The following DPP4 variants were observed in gnomAD, a reference collection of about 807,000 sequenced individuals.
DPP4 encodes the protein ADCP-2.
A neutral mutation model predicts 122.4 loss-of-function variants in DPP4; 93 were observed. That is an observed-to-expected ratio of 0.76 (90% CI 0.64 to 0.90). The LOEUF is 0.90. Ranked by LOEUF, DPP4 falls within the 40% of genes least tolerant of loss-of-function variation. The probability of loss-of-function intolerance (pLI) is 0.00; values close to 1 mark genes in which losing one functional copy is unlikely to be tolerated. For missense variants in DPP4, 914 were observed against 907.3 expected, an observed-to-expected ratio of 1.01 and a Z score of -0.09; for synonymous variants, 321 against 302.9, an observed-to-expected ratio of 1.06 and a Z score of -0.62.
chr2:162,072,762 G>T (rs887296623), intron 2 of DPP4, among the ~76,000 whole-genome samples: 1 of 152,160 alleles, frequency 6.6e-6, no homozygotes, highest in Admixed American at 6.5e-5. Context: ...TTAAATAAAA[G>T]AATCCACCAA....
Position 162,047,510 on chromosome 2 carries a change from A to G in DPP4, c.95-9T>C. 1 of 1,543,564 alleles carries G rather than the reference A, an allele frequency of 6.5e-7. No individual in the cohort carries two copies. The highest frequency in any genetic ancestry group is 8.8e-7 in the Non-Finnish European group (1 of 1,132,426). ...AGCTGTAGCATCATCTGCTGGTTGAAAGAAAGAGCCAAATGTTCATTTCAG... is the reference window on the plus strand; with the variant it reads ...AGCTGTAGCATCATCTGCTGGTTGAGAGAAAGAGCCAAATGTTCATTTCAG... On this transcript the variant is annotated splice_polypyrimidine_tract_variant and intron_variant, in intron 2 of 25. Transcript: ENST00000360534.
At chr2:162,063,686 T>G (rs1684858627) in intron 2 of DPP4, among the ~76,000 whole-genome samples, 1 of 149,450 alleles carries the variant, frequency 6.7e-6, no homozygotes, top group African/African-American at 2.5e-5. Context: ...TTTAGTGGTG[T>G]GGTGGGGATA....
At position 162,047,137 on chromosome 2, in the gene DPP4, A is replaced by G. The variant is rs1684211279; in HGVS notation, c.194-131T>C. On this transcript the variant is annotated intron_variant, in intron 3 of 25. Transcript: ENST00000360534. ...TTTCTAAGTTGAGAAAACATGAATG[A>G]TATTATACTAACATTCATTCATTTT... 4 of 583,594 alleles carry G rather than the reference A, an allele frequency of 6.9e-6. No individual in the cohort carries two copies. The African/African-American group carries it at 7.5e-5, about 11-fold the overall frequency. 36.2% of individuals were successfully genotyped at this position (583,594 alleles called of 1,614,324 possible). A position where few individuals can be genotyped will look rare whatever the true frequency, so the allele number is the denominator to read the frequency against.
At chr2:162,071,008 T>C (rs1000038446) in intron 2 of DPP4, among the ~76,000 whole-genome samples, 1 of 152,144 alleles carries the variant, frequency 6.6e-6, no homozygotes. Context: ...TCTGAGTAGC[T>C]CTGGAGCCTC....
rs143806961 is a variant in DPP4, at chr2:162,046,916, A to G, written c.284T>C (p.Phe95Ser). 268 of 1,562,762 alleles carry G rather than the reference A, an allele frequency of 1.7e-4. No individual in the cohort carries two copies. Among genetic ancestry groups the G allele is most frequent in the Non-Finnish European group, 2.2e-4 (253 of 1,133,634 alleles). ...AATTAATTACGTGATTAAACATACA[A>G]ATGTACTGTTCTCCAAGAAAACTGA... ...NSSVFLENST[F>S]DEFGHSINDY... Residue 95 changes from phenylalanine to serine, a missense_variant and splice_region_variant, in exon 4 of 26, where the codon TTT (phenylalanine) becomes TCT (serine). Physicochemically the swap from Phe to Ser is radical, Grantham distance 155. Coordinates refer to ENST00000360534, the MANE Select transcript of DPP4 (RefSeq NM_001935.4).
chr2:162,048,360 A>G (rs1052457424), intron 2 of DPP4, among the ~76,000 whole-genome samples: 2 of 151,724 alleles, frequency 1.3e-5, no homozygotes, highest in Non-Finnish European at 2.9e-5. Flanking sequence ...GATTCTCCCA[A>G]TTCTCTCCCT....
At chr2:162,056,493 T>C (rs1559724623) in intron 2 of DPP4, among the ~76,000 whole-genome samples, 1 of 152,222 alleles carries the variant, frequency 6.6e-6, no homozygotes, top group Admixed American at 6.5e-5. Context: ...CACAGGAGCC[T>C]CTGAAACGGC....
At chr2:162,008,917 C>G (rs1701350254) in intron 21 of DPP4, among the ~76,000 whole-genome samples, 1 of 152,014 alleles carries the variant, frequency 6.6e-6, no homozygotes. Context: ...TGGGTGGTAC[C>G]AATTATAGAA....
intron 16 of DPP4, chr2:162,017,379 C>T (rs1682964210): frequency 2.0e-6 from 1 of 511,964 alleles, no homozygotes. Flanking sequence ...GCACAGGGCT[C>T]AGTAGAATGA....
In DPP4 at chr2:162,020,269, A is replaced by G; in HGVS notation, c.1204T>C (p.Trp402Arg). The change falls in exon 14 of 26, where the codon TGG (tryptophan) becomes CGG (arginine). Residue 402 changes from tryptophan (W) to arginine (R), a missense_variant. Trp to Arg is a moderately radical substitution (Grantham distance 101). Coordinates refer to ENST00000360534, the MANE Select transcript of DPP4 (RefSeq NM_001935.4). The stretch of plus-strand genomic sequence containing the variant: ...AGAGCTTCTATCCCGATGACTTCCC[A>G]GGTGCCTTTTGTAATAAATGTGCAG... The part of the protein sequence containing the change: ...KDCTFITKGT[W>R]EVIGIEALTS... 1 of 1,602,866 alleles carries G rather than the reference A, an allele frequency of 6.2e-7. No homozygotes were observed. The highest frequency in any genetic ancestry group is 8.5e-7 in the Non-Finnish European group (1 of 1,175,048).
At chr2:162,038,874 G>C in intron 7 of DPP4, 75 bp downstream of exon 7, 2 of 1,276,308 alleles carry the variant, frequency 1.6e-6, no homozygotes, top group Non-Finnish European at 2.3e-6. Context: ...TGTCTGCTTT[G>C]TATCAGGGTT....
chr2:161,993,194 G>T lies in DPP4; in HGVS notation c.*89C>A. ...TCTTGATTTGAGTGTGTATTTTAAA[G>T]ATCATCATCATCTTGACAGTGCAGT... On this transcript the variant is annotated 3_prime_UTR_variant, in exon 26 of 26. Transcript: ENST00000360534. The T allele has an allele frequency of 9.7e-7, 1 of 1,025,716 alleles. No homozygotes were observed. The highest frequency in any genetic ancestry group is 1.5e-6 in the Non-Finnish European group (1 of 666,592). The allele number at this position is 1,025,716 out of a possible 1,614,324, so 63.5% of individuals were successfully genotyped here. A position where few individuals can be genotyped will look rare whatever the true frequency, so the allele number is the denominator to read the frequency against.
intron 23 of DPP4, among the ~76,000 whole-genome samples, chr2:162,002,853 C>G (rs986576919): frequency 6.6e-6 from 1 of 152,164 alleles, no homozygotes; most frequent in African/African-American, 2.4e-5. Flanking sequence ...CAGCTTTATT[C>G]TAAAGCCTGC....
rs142870783 is a variant in DPP4, at chr2:162,019,555, C to CAA, written c.1245-281_1245-280dup. On this transcript the variant is annotated intron_variant, in intron 14 of 25. Transcript: ENST00000360534. ...TAAAAACACAAAAGAAGGCTTCTGTCAAAAAAAAAATAGGACTAGGCAGCT... is the reference window on the plus strand; with the variant it reads ...TAAAAACACAAAAGAAGGCTTCTGTCAAAAAAAAAAAATAGGACTAGGCAGCT... Among the ~76,000 whole-genome samples, 759 of 147,518 alleles carry CAA rather than the reference C, an allele frequency of 5.1e-3. 7 individuals carry two copies. Among genetic ancestry groups the CAA allele is most frequent in the African/African-American group, 0.017 (698 of 40,374 alleles).
chr2:162,020,723 C>T (rs1683095470), intron 12 of DPP4, 35 bp from the exon 13 acceptor site: 1 of 1,498,100 alleles, frequency 6.7e-7, no homozygotes, highest in Non-Finnish European at 9.2e-7. Context: ...AACATTAAAG[C>T]ACAGTGTCTC....
At chr2:162,021,506 C>T (rs950348761) in intron 12 of DPP4, 2 of 152,178 alleles carry the variant, frequency 1.3e-5, no homozygotes, top group Admixed American at 6.5e-5. Flanking sequence ...TGGTTCACTT[C>T]GCCCTCGATG....
intron 14 of DPP4, among the ~76,000 whole-genome samples, chr2:162,019,818 T>C (rs1430300393): frequency 1.3e-5 from 2 of 152,214 alleles, no homozygotes; most frequent in Non-Finnish European, 2.9e-5. Context: ...CCAACTCATA[T>C]ATGGCAGTTA....
intron 2 of DPP4, among the ~76,000 whole-genome samples, chr2:162,061,006 C>CTCCTTCCTTCCTTCCTTCCT (rs1235608036): frequency 2.0e-4 from 16 of 81,532 alleles, no homozygotes; most frequent in African/African-American, 1.0e-3. Flanking sequence ...CCCTCCCTCC[C>CTCCTTCCTTCCTTCCTTCCT]TCCTTCCTTC....
chr2:162,063,823 G>A (rs925350112), intron 2 of DPP4, among the ~76,000 whole-genome samples: 1 of 152,138 alleles, frequency 6.6e-6, no homozygotes, highest in Non-Finnish European at 1.5e-5. Context: ...GCAGGGATGA[G>A]GGTGGAAAAA....
Sources: allele counts gnomAD v4.1 joint callset (sites outside exome capture counted in the v4.1 genomes callset), GRCh38; gene constraint gnomAD v4.1.1; transcripts MANE v1.5; gene names NCBI Gene and HGNC (gene_info 2026-07-23, HGNC 2026-07-21).